Variants in DNAH9 observed in about 807,000 individuals in gnomAD.
DNAH9 encodes DNAH9 variant protein.
In DNAH9, 345 loss-of-function variants were observed where a neutral mutation model predicts 471.6. The observed-to-expected ratio is 0.73, with a 90% CI of 0.67 to 0.80. The LOEUF is 0.80. Among genes scored for constraint, DNAH9 ranks in the 30% least tolerant of loss-of-function variants. The probability of loss-of-function intolerance (pLI) is 0.00; values close to 1 mark genes in which losing one functional copy is unlikely to be tolerated. For missense variants in DNAH9, 5,407 were observed against 5,609.2 expected (o/e 0.96, Z 1.15); for synonymous variants, 2,093 against 2,123.6 (o/e 0.99, Z 0.40).
chr17:11,903,649 G>T (rs1000948411), intron 60 of DNAH9, among the ~76,000 whole-genome samples: 1 of 152,040 alleles, frequency 6.6e-6, no homozygotes, highest in Non-Finnish European at 1.5e-5. Context: ...GGTGGCTCAC[G>T]CCTGTAATCC....
At chr17:11,954,941 G>A (rs1975563344) in intron 67 of DNAH9, among the ~76,000 whole-genome samples, 3 of 152,026 alleles carry the variant, frequency 2.0e-5, no homozygotes, top group South Asian at 4.2e-4. Flanking sequence ...ATAATAGACT[G>A]TTTAAAACAA....
chr17:11,773,037 G>T (rs900411522), intron 38 of DNAH9, among the ~76,000 whole-genome samples: 17 of 152,208 alleles, frequency 1.1e-4, no homozygotes, highest in Admixed American at 3.3e-4. Flanking sequence ...GATTTAAAAA[G>T]TGACAGCTAG....
intron 4 of DNAH9, among the ~76,000 whole-genome samples, chr17:11,615,595 G>GAA: frequency 7.1e-6 from 1 of 140,850 alleles, no homozygotes; most frequent in Admixed American, 7.1e-5. Flanking sequence ...CACCCCAAAA[G>GAA]AAAAAAAAAA....
intron 49 of DNAH9, among the ~76,000 whole-genome samples, chr17:11,840,391 G>A (rs1164701461): frequency 6.6e-6 from 1 of 152,148 alleles, no homozygotes; most frequent in Non-Finnish European, 1.5e-5. Context: ...CTGTCTAATA[G>A]TACTGCATTC....
At chr17:11,909,439 A>G (rs1381637329) in intron 61 of DNAH9, among the ~76,000 whole-genome samples, 1 of 152,084 alleles carries the variant, frequency 6.6e-6, no homozygotes, top group African/African-American at 2.4e-5. Context: ...TACTCAAATT[A>G]GCCGGTCTTG....
chr17:11,899,663 C>T (rs561052838), intron 59 of DNAH9, among the ~76,000 whole-genome samples: 12 of 152,242 alleles, frequency 7.9e-5, no homozygotes, highest in Non-Finnish European at 1.3e-4. Flanking sequence ...TTTGTGGAGA[C>T]GCCAGAGGGG....
At chr17:11,762,773 T>TTTTTGTTTG (rs1967751437) in intron 35 of DNAH9, among the ~76,000 whole-genome samples, 1 of 109,226 alleles carries the variant, frequency 9.2e-6, no homozygotes, top group Non-Finnish European at 1.8e-5. Context: ...TTTTTTTGTT[T>TTTTTGTTTG]TTTTTTTTTT....
Position 11,969,348 on chromosome 17 carries a change from C to G in DNAH9, c.13282C>G (p.Pro4428Ala), listed in dbSNP as rs1358048807. Residue 4428 changes from proline (P) to alanine (A), a missense_variant, in exon 69 of 69, where the codon CCT (proline) becomes GCT (alanine). Transcript: ENST00000262442. ...GCTGAAGGATCTGACACCCCCTATGCCTGTGATGTTCATCAAGGCCATTCC... is the reference window on the plus strand; with the variant it reads ...GCTGAAGGATCTGACACCCCCTATGGCTGTGATGTTCATCAAGGCCATTCC... ...AKLKDLTPPMPVMFIKAIPAD... is the reference protein window; with the variant it reads ...AKLKDLTPPMAVMFIKAIPAD... The G allele has an allele frequency of 6.2e-7, 1 of 1,613,896 alleles. No homozygotes were observed.
intron 8 of DNAH9, among the ~76,000 whole-genome samples, chr17:11,635,134 TCACA>T (rs1266040137): frequency 6.6e-6 from 1 of 152,058 alleles, no homozygotes; most frequent in African/African-American, 2.4e-5. Flanking sequence ...GTGTTTTCTG[TCACA>T]CACTCTTTTT....
intron 52 of DNAH9, among the ~76,000 whole-genome samples, chr17:11,873,732 C>T (rs182515026): frequency 1.5e-3 from 203 of 135,930 alleles, no homozygotes; most frequent in Middle Eastern, 0.01. Context: ...ATAGTTTCCA[C>T]GAGCTGGGGG....
intron 41 of DNAH9, among the ~76,000 whole-genome samples, chr17:11,788,780 G>A (rs1258121243): frequency 1.3e-5 from 2 of 152,104 alleles, no homozygotes; most frequent in Non-Finnish European, 2.9e-5. Flanking sequence ...CAATGTTGGA[G>A]AGAAGCAATG....
chr17:11,884,611 G>A, intron 56 of DNAH9: 1 of 455,760 alleles, frequency 2.2e-6, no homozygotes, highest in Non-Finnish European at 4.4e-6. Context: ...AGCAATGATG[G>A]GTAAGACAGA....
Position 11,883,440 on chromosome 17 carries a change from C to T in DNAH9, c.10807-146C>T, listed in dbSNP as rs1022711934. Reference sequence around the variant, plus strand: ...GTTGGGCACCAATTTGACTCCTTGTCTCCTGCTCATGGTCTGAAGCTCTTT... The same window carrying T: ...GTTGGGCACCAATTTGACTCCTTGTTTCCTGCTCATGGTCTGAAGCTCTTT... On this transcript the variant is annotated intron_variant, in intron 55 of 68. Transcript: ENST00000262442. The T allele has an allele frequency of 2.6e-6, 3 of 1,162,208 alleles. No homozygotes were observed. The African/African-American group carries it at 4.6e-5, about 18-fold the overall frequency. The allele number at this position is 1,162,208 out of a possible 1,614,324, so 72.0% of individuals were successfully genotyped here.
At chr17:11,734,591 C>T (rs1049931273) in intron 28 of DNAH9, among the ~76,000 whole-genome samples, 1 of 152,148 alleles carries the variant, frequency 6.6e-6, no homozygotes, top group East Asian at 1.9e-4. Flanking sequence ...CAAAGCCTCT[C>T]CAGGCCCGGT....
chr17:11,777,584 T>G (rs1175516280), intron 38 of DNAH9, among the ~76,000 whole-genome samples: 7 of 152,354 alleles, frequency 4.6e-5, no homozygotes, highest in African/African-American at 1.7e-4. Flanking sequence ...TCATCACAGT[T>G]CTGAATTCTC....
At chr17:11,886,575 G>A (rs1443224195) in intron 56 of DNAH9, among the ~76,000 whole-genome samples, 1 of 145,640 alleles carries the variant, frequency 6.9e-6, no homozygotes, top group East Asian at 2.0e-4. Flanking sequence ...AGGCTTTCAT[G>A]GCTCACGCTT....
In DNAH9 at chr17:11,669,647, A is replaced by G. The variant is rs1458414167; in HGVS notation, c.3206A>G (p.Tyr1069Cys). ...CAAATCGACTCCTATGAAACGCTCTATGAAGAGGTGTGCAGGCTGGAACCC... is the reference window on the plus strand; with the variant it reads ...CAAATCGACTCCTATGAAACGCTCTGTGAAGAGGTGTGCAGGCTGGAACCC... ...KVQIDSYETLYEEVCRLEPIK... is the reference protein window; with the variant it reads ...KVQIDSYETLCEEVCRLEPIK... The change falls in exon 17 of 69, where the codon TAT becomes TGT. Residue 1069 changes from tyrosine (Y) to cysteine (C), a missense_variant. Tyr to Cys is a radical substitution (Grantham distance 194, BLOSUM62 -2). Transcript: ENST00000262442. The G allele has an allele frequency of 8.7e-6, 14 of 1,614,076 alleles. No homozygotes were observed. Among genetic ancestry groups the G allele is most frequent in the East Asian group, 2.2e-5 (1 of 44,888 alleles).
chr17:11,648,662 A>G (rs539632172), intron 12 of DNAH9, among the ~76,000 whole-genome samples: 3 of 152,196 alleles, frequency 2.0e-5, no homozygotes, highest in Middle Eastern at 3.4e-3. Context: ...TTTGCAGGCC[A>G]TAGAAGGGAA....
intron 35 of DNAH9, among the ~76,000 whole-genome samples, chr17:11,762,518 G>A (rs180914307): frequency 7.2e-5 from 11 of 152,290 alleles, no homozygotes; most frequent in African/African-American, 2.2e-4. Context: ...CTAAAGCCAA[G>A]ATTAAAAGTG....
Sources: allele counts gnomAD v4.1 joint callset (sites outside exome capture counted in the v4.1 genomes callset), GRCh38; gene constraint gnomAD v4.1.1; transcripts MANE v1.5; gene names NCBI Gene and HGNC (gene_info 2026-07-23, HGNC 2026-07-21).